UBA6: variants seen among roughly 807,000 people sequenced by gnomAD.
UBA6 encodes ubiquitin like modifier activating enzyme 6.
UBA6 carries 87 observed loss-of-function variants against 148.3 expected under a neutral mutation model. The ratio of observed to expected loss-of-function variants is 0.59; its 90% confidence interval spans 0.49 to 0.70. The LOEUF is 0.70. UBA6 is among the 30% of genes least tolerant of loss of function. The pLI is 0.00. For synonymous variants in UBA6, 376 were observed against 401.0 expected (o/e 0.94, Z 0.75); for missense variants, 1,186 against 1,241.2 (o/e 0.96, Z 0.67).
chr4:67,650,385 T>C (rs1228154232), intron 13 of UBA6, among the ~76,000 whole-genome samples: 4 of 152,176 alleles, frequency 2.6e-5, no homozygotes, highest in African/African-American at 9.6e-5. Flanking sequence ...TTTATAGGTT[T>C]ATTCTCAGCA....
At chr4:67,659,168 T>C (rs1254945261) in intron 13 of UBA6, among the ~76,000 whole-genome samples, 2 of 152,244 alleles carry the variant, frequency 1.3e-5, no homozygotes, top group Non-Finnish European at 2.9e-5. Flanking sequence ...TCTTTCATTA[T>C]GGCTAGTGAG....
At chr4:67,624,582 T>C (rs1447718086) in intron 29 of UBA6, among the ~76,000 whole-genome samples, 1 of 152,060 alleles carries the variant, frequency 6.6e-6, no homozygotes, top group African/African-American at 2.4e-5. Flanking sequence ...AATAACTACA[T>C]AGCTTCATAG....
chr4:67,676,717 C>G (rs1269222195), intron 6 of UBA6, among the ~76,000 whole-genome samples: 1 of 152,172 alleles, frequency 6.6e-6, no homozygotes, highest in Non-Finnish European at 1.5e-5. Context: ...AGTCTTTTAG[C>G]TAACTGTTCA....
chr4:67,619,606 A>C (rs956317555), intron 32 of UBA6, among the ~76,000 whole-genome samples: 2 of 152,140 alleles, frequency 1.3e-5, no homozygotes, highest in African/African-American at 4.8e-5. Flanking sequence ...AACCTGGGAG[A>C]CAGAGGTTGC....
intron 13 of UBA6, among the ~76,000 whole-genome samples, chr4:67,655,651 A>C (rs1729671669): frequency 6.6e-6 from 1 of 152,172 alleles, no homozygotes; most frequent in Non-Finnish European, 1.5e-5. Flanking sequence ...ACAGCAAACA[A>C]ATACAAAAGC....
intron 17 of UBA6, among the ~76,000 whole-genome samples, chr4:67,644,351 A>G (rs973273280): frequency 1.8e-4 from 27 of 152,156 alleles, no homozygotes; most frequent in Admixed American, 5.2e-4. Context: ...ACATTTAACA[A>G]TAAACACTAT....
chr4:67,621,295 T>C (rs1019410346), intron 32 of UBA6, among the ~76,000 whole-genome samples: 3 of 152,220 alleles, frequency 2.0e-5, no homozygotes, highest in African/African-American at 4.8e-5. Context: ...AATTTAAGAA[T>C]GATTAACCTC....
intron 7 of UBA6, 138 bp from the exon 8 acceptor site, chr4:67,670,730 A>G: frequency 1.5e-6 from 1 of 659,232 alleles, no homozygotes; most frequent in South Asian, 2.1e-5. Flanking sequence ...TAAATCATAA[A>G]CAGGATAAAC....
intron 22 of UBA6, 69 bp from the exon 23 acceptor site, chr4:67,633,542 A>C: frequency 7.2e-7 from 1 of 1,383,056 alleles, no homozygotes; most frequent in African/African-American, 1.5e-5. Flanking sequence ...CCTCACCAAA[A>C]GTTAGCCTAA....
At position 67,671,234 on chromosome 4, in the gene UBA6, T is replaced by C. The variant is rs142838156; in HGVS notation, c.547-642A>G. Among the ~76,000 whole-genome samples the C allele has an allele frequency of 4.6e-3, 708 of 152,288 alleles. 8 individuals carry two copies. Among genetic ancestry groups the C allele is most frequent in the African/African-American group, 0.016 (667 of 41,576 alleles). ...AAGCTATTTTTAGAGCTACTGCTAA[T>C]AAAGAGAAATCCTCATTCTGTAATG... On this transcript the variant is annotated intron_variant, in intron 7 of 32. Transcript: ENST00000322244.
chr4:67,618,251 T>C lies in UBA6; in HGVS notation c.*746A>G, dbSNP rs1332358532. The C allele has an allele frequency of 6.6e-6, 1 of 152,588 alleles. No individual in the cohort carries two copies. Among genetic ancestry groups the C allele is most frequent in the African/African-American group, 2.4e-5 (1 of 41,448 alleles). 9.5% of individuals were successfully genotyped at this position (152,588 alleles called of 1,614,324 possible). ...TTAGAAGGCATACTGAAGAATCAAA[T>C]GGTTAGCCACATTTGTCTGTTCACA... is the stretch of plus-strand genomic sequence containing the variant. On this transcript the variant is annotated 3_prime_UTR_variant, in exon 33 of 33. Coordinates refer to ENST00000322244, the MANE Select transcript of UBA6 (RefSeq NM_018227.6).
chr4:67,699,009 T>A (rs553046978), intron 1 of UBA6, among the ~76,000 whole-genome samples: 7 of 152,092 alleles, frequency 4.6e-5, no homozygotes, highest in African/African-American at 1.2e-4. Flanking sequence ...AATGAATAAA[T>A]TTTAAAGGAA....
At chr4:67,700,613 T>C (rs1730955648) in intron 1 of UBA6, among the ~76,000 whole-genome samples, 1 of 152,042 alleles carries the variant, frequency 6.6e-6, no homozygotes, top group Middle Eastern at 3.4e-3. Context: ...AAGTTCCTTC[T>C]GGTAATAGTT....
At chr4:67,682,008 CATTT>C (rs1241489349) in intron 3 of UBA6, 107 bp downstream of exon 3, 1 of 769,996 alleles carries the variant, frequency 1.3e-6, no homozygotes, top group African/African-American at 1.7e-5. Context: ...ATCTGATCAA[CATTT>C]TGGATCTAAC....
intron 1 of UBA6, among the ~76,000 whole-genome samples, chr4:67,699,698 C>G (rs1349768511): frequency 4.6e-5 from 7 of 152,110 alleles, no homozygotes. Context: ...TCTCTCTAGA[C>G]TCAAGCGATC....
In UBA6 at chr4:67,619,029, C is replaced by T. The variant is rs780862547; in HGVS notation, c.3127G>A (p.Val1043Ile). ...GTGTCATGACTGAAGTAGTATCTTA[C>T]TGGAGGTCCCGGCAAATCTTCATCT... The part of the protein sequence containing the change: ...DGDEDLPGPP[V>I]RYYFSHDTD The change falls in exon 33 of 33, where the codon GTA becomes ATA. Residue 1043 changes from valine (V) to isoleucine (I), a missense_variant. Val to Ile is a conservative substitution (Grantham distance 29). Coordinates refer to ENST00000322244, the MANE Select transcript of UBA6 (RefSeq NM_018227.6). 1 of 1,613,992 alleles carries T rather than the reference C, an allele frequency of 6.2e-7. No homozygotes were observed. Among genetic ancestry groups the T allele is most frequent in the South Asian group, 1.1e-5 (1 of 91,082 alleles).
intron 14 of UBA6, among the ~76,000 whole-genome samples, chr4:67,647,307 C>T (rs1254095338): frequency 6.6e-6 from 1 of 152,040 alleles, no homozygotes; most frequent in Non-Finnish European, 1.5e-5. Flanking sequence ...CCATGCCTGG[C>T]TAATTTTTTT....
chr4:67,628,218 CCTTT>C lies in UBA6; in HGVS notation c.2400+849_2400+852del, dbSNP rs376130949. Among the ~76,000 whole-genome samples the C allele has an allele frequency of 5.0e-3, 762 of 151,910 alleles. 7 individuals are homozygous for C. Among genetic ancestry groups the C allele is most frequent in the African/African-American group, 0.017 (710 of 41,518 alleles). On this transcript the variant is annotated intron_variant, in intron 27 of 32. Coordinates refer to ENST00000322244, the MANE Select transcript of UBA6 (RefSeq NM_018227.6). ...TACCTTCTTTTCTTTGCTCTTACTT[CCTTT>C]ATCTTCTTATCCCCTTCACTCTGAG...
At chr4:67,620,079 GT>G (rs983198474) in intron 32 of UBA6, among the ~76,000 whole-genome samples, 18 of 151,928 alleles carry the variant, frequency 1.2e-4, no homozygotes, top group African/African-American at 4.1e-4. Context: ...ATTTTGTCCC[GT>G]ACATAAACTT....
Sources: allele counts gnomAD v4.1 joint callset (sites outside exome capture counted in the v4.1 genomes callset), GRCh38; gene constraint gnomAD v4.1.1; transcripts MANE v1.5; gene names NCBI Gene and HGNC (gene_info 2026-07-23, HGNC 2026-07-21).